Variants in PTPRD observed in about 807,000 individuals in gnomAD.
The protein encoded by PTPRD is receptor-type tyrosine-protein phosphatase delta.
In PTPRD, 34 loss-of-function variants were observed where a neutral mutation model predicts 214.5. That is an observed-to-expected ratio of 0.16 (90% CI 0.12 to 0.21). The LOEUF is 0.21. PTPRD is among the 10% of genes least tolerant of loss of function. The pLI is 1.00. For missense variants in PTPRD, 2,545 were observed against 2,398.7 expected (o/e 1.06, Z -1.27); for synonymous variants, 1,128 against 845.7 (o/e 1.33, Z -5.79).
chr9:8,812,762 C>CT (rs567674415), intron 11 of PTPRD, among the ~76,000 whole-genome samples: 18 of 150,496 alleles, frequency 1.2e-4, no homozygotes, highest in South Asian at 4.2e-4. Context: ...AATATACAAA[C>CT]TTTTTTTTTA....
chr9:9,950,860 G>C (rs1265536042), intron 4 of PTPRD, among the ~76,000 whole-genome samples: 3 of 151,708 alleles, frequency 2.0e-5, no homozygotes, highest in Non-Finnish European at 4.4e-5. Context: ...CTATTACATG[G>C]GAGTATGGTC....
chr9:9,030,662 CATT>C (rs2154376280), intron 10 of PTPRD, among the ~76,000 whole-genome samples: 1 of 151,926 alleles, frequency 6.6e-6, no homozygotes, highest in South Asian at 2.1e-4. Flanking sequence ...CATATGTCAT[CATT>C]GTTTTTTTTA....
At chr9:8,583,199 C>G (rs2093338850) in intron 14 of PTPRD, among the ~76,000 whole-genome samples, 1 of 152,216 alleles carries the variant, frequency 6.6e-6, no homozygotes, top group Admixed American at 6.5e-5. Flanking sequence ...CTCCACTGAT[C>G]TGACAGGAGG....
chr9:9,290,662 C>G (rs1020224283), intron 9 of PTPRD, among the ~76,000 whole-genome samples: 2 of 151,398 alleles, frequency 1.3e-5, no homozygotes, highest in Non-Finnish European at 3.0e-5. Flanking sequence ...GTTAATGACT[C>G]TGTATGTAAA....
At chr9:9,925,396 G>A (rs1047373538) in intron 5 of PTPRD, among the ~76,000 whole-genome samples, 1 of 152,078 alleles carries the variant, frequency 6.6e-6, no homozygotes, top group African/African-American at 2.4e-5. Flanking sequence ...GAGGGTGACT[G>A]CTGAATGTTT....
At chr9:8,868,615 A>T (rs1293637125) in intron 11 of PTPRD, among the ~76,000 whole-genome samples, 1 of 152,192 alleles carries the variant, frequency 6.6e-6, no homozygotes, top group Non-Finnish European at 1.5e-5. Flanking sequence ...AGACTAGATT[A>T]TCTTTAAAGT....
chr9:10,504,600 T>G (rs1283369292), intron 2 of PTPRD, among the ~76,000 whole-genome samples: 1 of 152,158 alleles, frequency 6.6e-6, no homozygotes. Flanking sequence ...ACTTTGATTT[T>G]ACATAGCAAC....
chr9:8,661,048 CTTA>C (rs1289445748), intron 12 of PTPRD, among the ~76,000 whole-genome samples: 1 of 151,998 alleles, frequency 6.6e-6, no homozygotes. Flanking sequence ...GAATCTGAGG[CTTA>C]TTGTTCTCAA....
In PTPRD at chr9:9,310,608, G is replaced by A. The variant is rs564281408; in HGVS notation, c.-203+86841C>T. Among the ~76,000 whole-genome samples, 3 of 152,196 alleles carry A rather than the reference G, an allele frequency of 2.0e-5. No individual in the cohort carries two copies. The East Asian group carries it at 5.8e-4, about 29-fold the overall frequency. On this transcript the variant is annotated intron_variant, in intron 9 of 45. Coordinates refer to ENST00000381196, the MANE Select transcript of PTPRD (RefSeq NM_002839.4). ...TTATTGAATGCCTACTATATGTAAA[G>A]CATTTTCACAGATAATCTCACATTC...
At chr9:9,574,143 G>C (rs1022348883) in intron 8 of PTPRD, among the ~76,000 whole-genome samples, 3 of 151,808 alleles carry the variant, frequency 2.0e-5, no homozygotes, top group Admixed American at 2.0e-4. Flanking sequence ...TGTATATTCT[G>C]TAGTCAATTA....
intron 5 of PTPRD, among the ~76,000 whole-genome samples, chr9:9,932,167 T>A (rs371852384): frequency 1.4e-5 from 2 of 144,060 alleles, no homozygotes; most frequent in Non-Finnish European, 2.9e-5. Flanking sequence ...AAATGCAGAG[T>A]GCCTCTCCTC....
rs374787989 is a variant in PTPRD at position 9,079,915 on chromosome 9, C to T, written c.-142-61180G>A. Among the ~76,000 whole-genome samples the T allele has an allele frequency of 2.0e-3, 297 of 152,052 alleles. 1 individual carries two copies. The highest frequency in any genetic ancestry group is 7.0e-3 in the African/African-American group (289 of 41,488). The stretch of plus-strand genomic sequence containing the variant: ...ATGATGTGTTGCTGGAATAAGGGTG[C>T]CCTTAGTTTCTACTGATGTTTAATA... On this transcript the variant is annotated intron_variant, in intron 10 of 45. Coordinates refer to ENST00000381196, the MANE Select transcript of PTPRD (RefSeq NM_002839.4).
intron 9 of PTPRD, among the ~76,000 whole-genome samples, chr9:9,309,190 C>T (rs971546696): frequency 1.3e-5 from 2 of 151,732 alleles, no homozygotes; most frequent in Non-Finnish European, 2.9e-5. Flanking sequence ...TGATTTGGTG[C>T]CCTGTTCCTG....
At chr9:9,588,481 T>C (rs2092348104) in intron 7 of PTPRD, among the ~76,000 whole-genome samples, 1 of 151,942 alleles carries the variant, frequency 6.6e-6, no homozygotes, top group Non-Finnish European at 1.5e-5. Flanking sequence ...CATGTGCCAA[T>C]CCAAATTTTA....
At position 10,112,168 on chromosome 9, in the gene PTPRD, T is replaced by C. The variant is rs375606625; in HGVS notation, c.-544-78378A>G. ...CTGGAATTGACAAGCAAATTCGCTTTTTGGAATGGTCAGTTGTGAGGGCTT... is the reference window on the plus strand; with the variant it reads ...CTGGAATTGACAAGCAAATTCGCTTCTTGGAATGGTCAGTTGTGAGGGCTT... On this transcript the variant is annotated intron_variant, in intron 3 of 45. Coordinates refer to ENST00000381196, the MANE Select transcript of PTPRD (RefSeq NM_002839.4). 9.8e-5 allele frequency among the ~76,000 whole-genome samples: 15 copies of C among 152,304 alleles called. No homozygotes were observed. In the East Asian group the frequency reaches 2.9e-3, roughly 29 times the overall value.
At chr9:10,079,937 T>TA (rs1369934052) in intron 3 of PTPRD, among the ~76,000 whole-genome samples, 3 of 152,044 alleles carry the variant, frequency 2.0e-5, no homozygotes, top group Non-Finnish European at 4.4e-5. Context: ...TCTTGCTTTT[T>TA]TTTTTTTTTT....
Position 10,398,580 on chromosome 9 carries a change from T to C in PTPRD, c.-599-57563A>G, listed in dbSNP as rs866444609. On this transcript the variant is annotated intron_variant, in intron 2 of 45. Transcript: ENST00000381196. ...GTGCTAGATATGGACCCTGGCACTA[T>C]AGATATAAATACAAATGAAAAACAT... 2.5e-4 allele frequency among the ~76,000 whole-genome samples: 38 copies of C among 152,090 alleles called. 1 individual carries two copies. The Middle Eastern group carries it at 0.014, about 54-fold the overall frequency.
At chr9:8,568,775 C>T (rs561960929) in intron 14 of PTPRD, among the ~76,000 whole-genome samples, 1 of 151,878 alleles carries the variant, frequency 6.6e-6, no homozygotes, top group East Asian at 2.0e-4. Context: ...GCATAACAGT[C>T]TCCATTTTCT....
intron 10 of PTPRD, among the ~76,000 whole-genome samples, chr9:9,182,182 T>C (rs560595894): frequency 6.6e-6 from 1 of 152,222 alleles, no homozygotes; most frequent in South Asian, 2.1e-4. Context: ...TTATCTCTTA[T>C]TTGTTTGTTG....
Sources: allele counts gnomAD v4.1 joint callset (sites outside exome capture counted in the v4.1 genomes callset), GRCh38; gene constraint gnomAD v4.1.1; transcripts MANE v1.5; gene names NCBI Gene and HGNC (gene_info 2026-07-23, HGNC 2026-07-21).